GLS: variants seen among roughly 807,000 people sequenced by gnomAD.
GLS encodes the protein glutaminase kidney isoform, mitochondrial.
Under a neutral mutation model 86.7 loss-of-function variants are expected in GLS, and 36 were observed. The observed-to-expected ratio is 0.42, with a 90% CI of 0.32 to 0.55. GLS has a LOEUF of 0.55. GLS is among the 20% of genes least tolerant of loss of function. The probability of loss-of-function intolerance (pLI) is 0.17; values close to 1 mark genes in which losing one functional copy is unlikely to be tolerated. For synonymous variants in GLS, 317 were observed against 305.9 expected (o/e 1.04, Z -0.38); for missense variants, 528 against 833.4 (o/e 0.63, Z 4.51).
At chr2:190,900,854 G>A (rs769977081) in intron 4 of GLS, among the ~76,000 whole-genome samples, 161 bp downstream of exon 4, 11 of 152,022 alleles carry the variant, frequency 7.2e-5, no homozygotes, top group Non-Finnish European at 1.5e-4. Context: ...GTGTTTTTAC[G>A]GTATTTTAAA....
chr2:190,890,944 G>A (rs1688541696), intron 1 of GLS, among the ~76,000 whole-genome samples: 1 of 151,926 alleles, frequency 6.6e-6, no homozygotes, highest in Non-Finnish European at 1.5e-5. Context: ...GGGGAGGTTA[G>A]GTAATATGAA....
chr2:190,962,813 C>T lies in GLS; in HGVS notation c.1854-17C>T. Reference sequence around the variant, plus strand: ...AAATTACCTAATGACCCTGTCCATGCTGTGCTACGTGTTTAGGTGGAATAA... The same window carrying T: ...AAATTACCTAATGACCCTGTCCATGTTGTGCTACGTGTTTAGGTGGAATAA... On this transcript the variant is annotated splice_polypyrimidine_tract_variant and intron_variant, in intron 17 of 17. Transcript: ENST00000320717. The surrounding 1 kb of genome is among the most constrained non-coding windows in gnomAD (Gnocchi z 4.2). 7.0e-7 allele frequency: 1 copy of T among 1,433,844 alleles called. No homozygotes were observed. Among genetic ancestry groups the T allele is most frequent in the Non-Finnish European group, 9.2e-7 (1 of 1,085,472 alleles). 88.8% of individuals were successfully genotyped at this position (1,433,844 alleles called of 1,614,324 possible). A position where few individuals can be genotyped will look rare whatever the true frequency, so the allele number is the denominator to read the frequency against.
chr2:190,909,587 G>A lies in GLS; in HGVS notation c.980-676G>A, dbSNP rs551506826. On this transcript the variant is annotated intron_variant, in intron 6 of 17. Coordinates refer to ENST00000320717, the MANE Select transcript of GLS (RefSeq NM_014905.5). ...TTATTTTTGGTGCTTGTGTCATGCA[G>A]TGAATGAGAATATAATCAGTTGAGT... 9.9e-5 allele frequency among the ~76,000 whole-genome samples: 15 copies of A among 152,280 alleles called. No homozygotes were observed. In the South Asian group the frequency reaches 3.1e-3, roughly 32 times the overall value.
At chr2:190,945,745 A>G (rs1172512685) in intron 14 of GLS, among the ~76,000 whole-genome samples, 1 of 152,150 alleles carries the variant, frequency 6.6e-6, no homozygotes, top group Non-Finnish European at 1.5e-5. Context: ...AACAGAATGC[A>G]GTTCTTGGAG....
At chr2:190,889,396 A>C (rs1458950543) in intron 1 of GLS, among the ~76,000 whole-genome samples, 3 of 152,140 alleles carry the variant, frequency 2.0e-5, no homozygotes, top group Admixed American at 2.0e-4. Flanking sequence ...TACTGCCTTC[A>C]CAAGGGAGTT....
chr2:190,928,069 T>C (rs1185960003), intron 12 of GLS, among the ~76,000 whole-genome samples: 1 of 152,114 alleles, frequency 6.6e-6, no homozygotes, highest in Non-Finnish European at 1.5e-5. Context: ...TTTAATGTTA[T>C]CCATCACTCA....
chr2:190,933,012 T>G, intron 14 of GLS: 1 of 1,163,754 alleles, frequency 8.6e-7, no homozygotes, highest in Non-Finnish European at 1.1e-6. Context: ...CTTTTAATCT[T>G]TGTATAAAGG....
In GLS at chr2:190,963,544, A is replaced by C. The variant is rs1171920100; in HGVS notation, c.*558A>C. ...TTAACAACTGTTAGTAAGATAGACC[A>C]ATTCTGATTAGACTTTATCAGGGAA... On this transcript the variant is annotated 3_prime_UTR_variant, in exon 18 of 18. Coordinates refer to ENST00000320717, the MANE Select transcript of GLS (RefSeq NM_014905.5). 6.5e-6 allele frequency: 1 copy of C among 152,736 alleles called. No individual in the cohort carries two copies. The highest frequency in any genetic ancestry group is 2.4e-5 in the African/African-American group (1 of 41,460). The allele number at this position is 152,736 out of a possible 1,614,324, so 9.5% of individuals were successfully genotyped here.
intron 3 of GLS, among the ~76,000 whole-genome samples, chr2:190,900,000 C>T (rs1044870261): frequency 1.3e-5 from 2 of 148,180 alleles, no homozygotes; most frequent in East Asian, 1.9e-4. Flanking sequence ...AATTTTATTT[C>T]AAATTAGAGA....
chr2:190,933,215 A>G, intron 14 of GLS: 1 of 873,252 alleles, frequency 1.1e-6, no homozygotes, highest in Admixed American at 6.2e-5. Flanking sequence ...AAAATTCACA[A>G]ATTAAACTCA....
intron 7 of GLS, among the ~76,000 whole-genome samples, chr2:190,915,797 A>C (rs773153442): frequency 1.9e-4 from 29 of 152,330 alleles, no homozygotes; most frequent in Middle Eastern, 3.4e-3. Flanking sequence ...AGTCAGTGTT[A>C]TTAAGGGTGT....
intron 9 of GLS, among the ~76,000 whole-genome samples, chr2:190,922,717 C>T (rs530859788): frequency 1.4e-4 from 21 of 152,064 alleles, no homozygotes; most frequent in Admixed American, 3.3e-4. Flanking sequence ...TTTAAAAGTA[C>T]GGCAAATTGA....
intron 14 of GLS, among the ~76,000 whole-genome samples, chr2:190,942,067 CTTTTTTTTT>C (rs3036653): frequency 8.9e-4 from 34 of 38,050 alleles, no homozygotes; most frequent in South Asian, 2.2e-3. Context: ...ACTTTGAAGA[CTTTTTTTTT>C]TTTTTTTTTT....
chr2:190,937,462 T>C (rs1690304785), intron 14 of GLS, among the ~76,000 whole-genome samples: 1 of 151,384 alleles, frequency 6.6e-6, no homozygotes, highest in Non-Finnish European at 1.5e-5. Context: ...TGATGTTTCG[T>C]AGAGTTCTTA....
rs1192527551 is a variant in GLS, at chr2:190,927,433, T to G, written c.1376T>G (p.Leu459Trp). 6.2e-7 allele frequency: 1 copy of G among 1,613,712 alleles called. No homozygotes were observed. The highest frequency in any genetic ancestry group is 8.5e-7 in the Non-Finnish European group (1 of 1,179,832). Residue 459 changes from leucine to tryptophan, a missense_variant, in exon 12 of 18, where the codon TTG becomes TGG. Physicochemically the swap from Leu to Trp is moderately conservative, Grantham distance 61. Transcript: ENST00000320717. ...GAAGCAGTTCGAAATACATTGAGTT[T>G]GATGCATTCCTGTGGCATGTATGAC... ...SPEAVRNTLSLMHSCGMYDFS... is the reference protein window; with the variant it reads ...SPEAVRNTLSWMHSCGMYDFS...
Position 190,953,636 on chromosome 2 carries a change from C to T in GLS, c.1712+10C>T. The T allele has an allele frequency of 1.3e-6, 2 of 1,570,814 alleles. No individual in the cohort carries two copies. Among genetic ancestry groups the T allele is most frequent in the African/African-American group, 1.3e-5 (1 of 74,106 alleles). ...TGTCTGCACTTCGAAGGTATGTTTA[C>T]AGGATGGATTAGCATGCACTTTACA... On this transcript the variant is annotated intron_variant, in intron 15 of 17. Transcript: ENST00000320717. The surrounding 1 kb of genome is among the most constrained non-coding windows in gnomAD (Gnocchi z 4.0).
chr2:190,942,927 A>G (rs950557883), intron 14 of GLS, among the ~76,000 whole-genome samples: 2 of 152,200 alleles, frequency 1.3e-5, no homozygotes, highest in African/African-American at 4.8e-5. Context: ...CTATCAACTT[A>G]GAGTTGCAAG....
At chr2:190,960,244 T>C (rs537101988) in intron 17 of GLS, among the ~76,000 whole-genome samples, 34 of 152,214 alleles carry the variant, frequency 2.2e-4, no homozygotes, top group Non-Finnish European at 4.4e-4. Flanking sequence ...GCATACTTGA[T>C]GGTGGTTTGA....
At position 190,935,919 on chromosome 2, in the gene GLS, G is replaced by C. The variant is rs927752461; in HGVS notation, c.1650+4282G>C. ...ACAAATTATAGAGGCTCCATGTATTGTAGGTCAAATATAGTACTTTACATT... is the reference window on the plus strand; with the variant it reads ...ACAAATTATAGAGGCTCCATGTATTCTAGGTCAAATATAGTACTTTACATT... On this transcript the variant is annotated intron_variant, in intron 14 of 17. Transcript: ENST00000320717. The surrounding 1 kb of genome is among the most constrained non-coding windows in gnomAD (Gnocchi z 4.2). Among the ~76,000 whole-genome samples the C allele has an allele frequency of 2.6e-5, 4 of 151,088 alleles. No individual in the cohort carries two copies. The highest frequency in any genetic ancestry group is 9.7e-5 in the African/African-American group (4 of 41,340).
Sources: gnomAD v4.1 joint callset for allele counts (sites outside exome capture counted in the v4.1 genomes callset) on GRCh38, gnomAD v4.1.1 for gene constraint, Gnocchi (gnomAD v3.1) non-coding constraint, MANE v1.5 for transcripts, NCBI Gene and HGNC (gene_info 2026-07-23, HGNC 2026-07-21) for gene names.